The following SLCO5A1 variants were observed in gnomAD, a reference collection of about 807,000 sequenced individuals.
The protein encoded by SLCO5A1 is organic anion transporter polypeptide-related protein 4.
In SLCO5A1, 39 loss-of-function variants were observed where a neutral mutation model predicts 65.1. The ratio of observed to expected loss-of-function variants is 0.60; its 90% confidence interval spans 0.46 to 0.78. The LOEUF is 0.78. Ranked by LOEUF, SLCO5A1 falls within the 30% of genes least tolerant of loss-of-function variation. SLCO5A1 has a pLI of 0.00. For missense variants in SLCO5A1, 1,029 were observed against 1,069.4 expected (o/e 0.96, Z 0.53); for synonymous variants, 438 against 415.7 (o/e 1.05, Z -0.65).
chr8:69,834,046 C>T (rs1354245871), intron 1 of SLCO5A1: 1 of 152,826 alleles, frequency 6.5e-6, no homozygotes, highest in Non-Finnish European at 1.5e-5. Flanking sequence ...CTGAGCGCAC[C>T]CCGCTAGCGT....
intron 4 of SLCO5A1, among the ~76,000 whole-genome samples, chr8:69,753,072 T>G (rs1278345512): frequency 6.6e-6 from 1 of 152,212 alleles, no homozygotes; most frequent in Non-Finnish European, 1.5e-5. Context: ...GAATTCTCAA[T>G]GGCCCTGATC....
At chr8:69,741,212 G>C (rs964670643) in intron 4 of SLCO5A1, among the ~76,000 whole-genome samples, 10 of 152,182 alleles carry the variant, frequency 6.6e-5, no homozygotes, top group Non-Finnish European at 1.5e-4. Context: ...AAGTGCAAAA[G>C]ACTATGATGT....
chr8:69,703,395 A>T (rs1814835048), intron 6 of SLCO5A1, among the ~76,000 whole-genome samples: 1 of 152,134 alleles, frequency 6.6e-6, no homozygotes, highest in East Asian at 1.9e-4. Flanking sequence ...AACAACTAAA[A>T]ATTAACTGGG....
At chr8:69,729,446 CAAAAAAAAAAAAAAAA>C (rs56392223) in intron 5 of SLCO5A1, among the ~76,000 whole-genome samples, 1 of 80,486 alleles carries the variant, frequency 1.2e-5, no homozygotes, top group Non-Finnish European at 2.2e-5. Flanking sequence ...TCCGTCCCAA[CAAAAAAAAAAAAAAAA>C]AAAAAAAAAA....
intron 5 of SLCO5A1, among the ~76,000 whole-genome samples, chr8:69,720,624 A>G (rs1251429536): frequency 6.6e-6 from 1 of 152,262 alleles, no homozygotes; most frequent in Non-Finnish European, 1.5e-5. Context: ...CCATTGGAAC[A>G]AGAGAAAACG....
intron 2 of SLCO5A1, among the ~76,000 whole-genome samples, chr8:69,780,879 A>C (rs370176414): frequency 1.6e-4 from 24 of 152,206 alleles, no homozygotes; most frequent in African/African-American, 5.5e-4. Context: ...ATCAGAGCGG[A>C]AAATCTCAAA....
At chr8:69,806,652 C>T (rs1820003814) in intron 2 of SLCO5A1, among the ~76,000 whole-genome samples, 1 of 152,228 alleles carries the variant, frequency 6.6e-6, no homozygotes, top group Non-Finnish European at 1.5e-5. Context: ...CCTCCACTCC[C>T]TTCCCACTGT....
At chr8:69,778,037 TTTA>T (rs1170021653) in intron 2 of SLCO5A1, among the ~76,000 whole-genome samples, 1 of 152,120 alleles carries the variant, frequency 6.6e-6, no homozygotes, top group Non-Finnish European at 1.5e-5. Context: ...ATTGTTCCAT[TTTA>T]TTATTGTTGT....
chr8:69,800,199 G>A (rs1000165778), intron 2 of SLCO5A1, among the ~76,000 whole-genome samples: 13 of 149,476 alleles, frequency 8.7e-5, no homozygotes, highest in African/African-American at 2.0e-4. Flanking sequence ...TATCTGATTC[G>A]GAAAAGCCTT....
intron 2 of SLCO5A1, among the ~76,000 whole-genome samples, chr8:69,784,861 A>G (rs540997986): frequency 2.4e-4 from 33 of 135,522 alleles, no homozygotes; most frequent in African/African-American, 8.3e-4. Flanking sequence ...GAAAGAAAGA[A>G]AGGGAAGGAA....
intron 2 of SLCO5A1, among the ~76,000 whole-genome samples, chr8:69,824,661 GGACCAGATGGAT>G (rs1820792218): frequency 6.6e-6 from 1 of 152,132 alleles, no homozygotes; most frequent in South Asian, 2.1e-4. Context: ...AAAGAGTCCA[GGACCAGATGGAT>G]TCACAGCCAA....
chr8:69,688,402 T>C (rs1586684458), intron 6 of SLCO5A1, among the ~76,000 whole-genome samples: 1 of 152,100 alleles, frequency 6.6e-6, no homozygotes, highest in Non-Finnish European at 1.5e-5. Context: ...TAGTTACATA[T>C]GTATACATGT....
At chr8:69,821,617 TG>T (rs1384492438) in intron 2 of SLCO5A1, among the ~76,000 whole-genome samples, 1 of 151,944 alleles carries the variant, frequency 6.6e-6, no homozygotes, top group East Asian at 1.9e-4. Context: ...AAGAACAGCC[TG>T]GGCAACATAG....
At chr8:69,704,107 C>T (rs1325341265) in intron 6 of SLCO5A1, among the ~76,000 whole-genome samples, 4 of 152,098 alleles carry the variant, frequency 2.6e-5, no homozygotes, top group Admixed American at 6.5e-5. Flanking sequence ...CACTATGTTG[C>T]GCAGGCTGGT....
At chr8:69,828,628 A>G (rs1821032879) in intron 2 of SLCO5A1, among the ~76,000 whole-genome samples, 1 of 151,610 alleles carries the variant, frequency 6.6e-6, no homozygotes, top group Non-Finnish European at 1.5e-5. Flanking sequence ...AAAAGAAAAG[A>G]AGGAGGAAAG....
At chr8:69,674,469 A>G (rs1813465941) in intron 9 of SLCO5A1, among the ~76,000 whole-genome samples, 1 of 152,202 alleles carries the variant, frequency 6.6e-6, no homozygotes, top group South Asian at 2.1e-4. Context: ...TAATTTTAAT[A>G]TTATTAAAGT....
In SLCO5A1 at chr8:69,698,789, C is replaced by T. The variant is rs115030397; in HGVS notation, c.1622+6242G>A. 8.1e-3 allele frequency among the ~76,000 whole-genome samples: 1,227 copies of T among 152,310 alleles called. 14 individuals carry two copies. The highest frequency in any genetic ancestry group is 0.029 in the African/African-American group (1,185 of 41,560). On this transcript the variant is annotated intron_variant, in intron 6 of 9. Transcript: ENST00000260126. ...AAAGATGCTTTAATATGCTCACAGG[C>T]TCAGAAATACTTTCTTCCCATGTTC...
chr8:69,804,796 G>A (rs562528045), intron 2 of SLCO5A1, among the ~76,000 whole-genome samples: 5 of 152,266 alleles, frequency 3.3e-5, no homozygotes, highest in South Asian at 4.1e-4. Context: ...CATGGGAATT[G>A]TGCTGAAATA....
Position 69,673,081 on chromosome 8 carries a change from T to C in SLCO5A1, c.2335A>G (p.Thr779Ala), listed in dbSNP as rs781685799. Reference sequence around the variant, plus strand: ...GGGTGTCCCACTCTCTCACTCACGGTGCTCAGGGGAAATTCTCTCTGCCTC... The same window carrying C: ...GGGTGTCCCACTCTCTCACTCACGGCGCTCAGGGGAAATTCTCTCTGCCTC... ...RRRQREFPLS[T>A]VSERVGHPDN... The change falls in exon 10 of 10, where the codon ACC becomes GCC. Residue 779 changes from threonine to alanine, a missense_variant. Physicochemically the swap from Thr to Ala is moderately conservative, Grantham distance 58. Around this residue, in one of 3 missense-constraint regions of SLCO5A1, gnomAD observed 258 missense variants for 237.4 expected, o/e 1.09. Coordinates refer to ENST00000260126, the MANE Select transcript of SLCO5A1 (RefSeq NM_030958.3). 6.2e-7 allele frequency: 1 copy of C among 1,614,242 alleles called. No homozygotes were observed. Among genetic ancestry groups the C allele is most frequent in the Non-Finnish European group, 8.5e-7 (1 of 1,180,048 alleles).
Sources: gnomAD v4.1 joint callset for allele counts (sites outside exome capture counted in the v4.1 genomes callset) on GRCh38, gnomAD v4.1.1 for gene constraint, gnomAD v4.1.1 regional missense constraint, MANE v1.5 for transcripts, NCBI Gene and HGNC (gene_info 2026-07-23, HGNC 2026-07-21) for gene names.